FERMT2: variants seen among roughly 807,000 people sequenced by gnomAD.
FERMT2 encodes the protein fermitin family homolog 2.
A neutral mutation model predicts 82.7 loss-of-function variants in FERMT2; 15 were observed. That is an observed-to-expected ratio of 0.18 (90% confidence interval 0.12 to 0.28). FERMT2 has a LOEUF of 0.28. Among genes scored for constraint, FERMT2 ranks in the 10% least tolerant of loss-of-function variants. FERMT2 has a pLI of 1.00. For missense variants in FERMT2, 645 were observed against 809.4 expected (o/e 0.80, Z 2.46); for synonymous variants, 274 against 271.5 (o/e 1.01, Z -0.09).
intron 10 of FERMT2, among the ~76,000 whole-genome samples, chr14:52,870,945 C>A (rs896815332): frequency 1.3e-5 from 2 of 152,164 alleles, no homozygotes; most frequent in African/African-American, 4.8e-5. Context: ...TTGTCCACAT[C>A]GGAATACTTC....
Position 52,881,249 on chromosome 14 carries a change from G to A in FERMT2, c.747C>T (p.Asn249=). 1 of 1,613,342 alleles carries A rather than the reference G, an allele frequency of 6.2e-7. No individual in the cohort carries two copies. Residue 249 remains asparagine (N), a synonymous_variant, in exon 5 of 15, where the codon AAC becomes AAT. Coordinates refer to ENST00000341590, the MANE Select transcript of FERMT2 (RefSeq NM_006832.3). The part of the protein sequence containing the change: ...PQALLDKAKI[N]QGWLDSSRSL... ...ATCTATATCTTAAAACTTACCCTTG[G>A]TTGATTTTTGCTTTATCAAGAAGAG...
In FERMT2 at chr14:52,860,948, A is replaced by G. The variant is rs555146665; in HGVS notation, c.1603-483T>C. On this transcript the variant is annotated intron_variant, in intron 12 of 14. Transcript: ENST00000341590. ...TTTCACTACTGGGGTAAATTCCATG[A>G]GGGAAGGTTGTGGCTATGAATTTTT... 11 of 1,173,132 alleles carry G rather than the reference A, an allele frequency of 9.4e-6. No homozygotes were observed. In the South Asian group the frequency reaches 1.6e-4, roughly 17 times the overall value. 72.7% of individuals were successfully genotyped at this position (1,173,132 alleles called of 1,614,324 possible).
At chr14:52,950,191 C>G (rs558858519) in intron 2 of FERMT2, among the ~76,000 whole-genome samples, 1 of 152,300 alleles carries the variant, frequency 6.6e-6, no homozygotes, top group East Asian at 1.9e-4. Flanking sequence ...AATTGGGAGG[C>G]TCGAATCATT....
chr14:52,928,818 T>C (rs187077604), intron 2 of FERMT2, among the ~76,000 whole-genome samples: 4 of 152,280 alleles, frequency 2.6e-5, no homozygotes, highest in Non-Finnish European at 5.9e-5. Context: ...CTTCTTAAAT[T>C]TGTACCCAGA....
intron 9 of FERMT2, chr14:52,873,690 T>C (rs1885770797): frequency 6.5e-6 from 1 of 152,680 alleles, no homozygotes; most frequent in Non-Finnish European, 1.5e-5. Flanking sequence ...CTCTCTGCCT[T>C]AATGCCGAGC....
intron 4 of FERMT2, among the ~76,000 whole-genome samples, chr14:52,889,405 C>A (rs1439317815): frequency 6.6e-6 from 1 of 152,134 alleles, no homozygotes; most frequent in African/African-American, 2.4e-5. Flanking sequence ...ATAAAAGCAG[C>A]TGCAGTCTGG....
intron 7 of FERMT2, among the ~76,000 whole-genome samples, chr14:52,878,172 T>C (rs1886084135): frequency 6.6e-6 from 1 of 152,148 alleles, no homozygotes; most frequent in African/African-American, 2.4e-5. Flanking sequence ...ACAGCCCATT[T>C]TATAGTGTGT....
At chr14:52,881,987 A>G (rs1886326939) in intron 4 of FERMT2, among the ~76,000 whole-genome samples, 1 of 152,224 alleles carries the variant, frequency 6.6e-6, no homozygotes, top group African/African-American at 2.4e-5. Flanking sequence ...TTTCAGAGTA[A>G]AGAACCTTAG....
intron 3 of FERMT2, among the ~76,000 whole-genome samples, chr14:52,909,567 C>T (rs1005965716): frequency 6.6e-5 from 10 of 152,092 alleles, no homozygotes; most frequent in Admixed American, 6.6e-4. Context: ...GCAGGTAGAT[C>T]ACTTGAGGTC....
chr14:52,860,793 G>A (rs1884881840), intron 12 of FERMT2: 1 of 586,144 alleles, frequency 1.7e-6, no homozygotes. Context: ...ATATACACGA[G>A]TTTTAATTAA....
Position 52,881,940 on chromosome 14 carries a change from T to C in FERMT2, c.527-471A>G, listed in dbSNP as rs1886325000. On this transcript the variant is annotated intron_variant, in intron 4 of 14. Transcript: ENST00000341590. The stretch of plus-strand genomic sequence containing the variant: ...AAAAGAAAAAACAGATTTTCCCTAA[T>C]TGTGAATCATAAACTGAAGTACACA... 4.3e-5 allele frequency: 18 copies of C among 415,186 alleles called. 1 individual carries two copies. The highest frequency in any genetic ancestry group is 3.7e-4 in the South Asian group (17 of 45,884). The allele number at this position is 415,186 out of a possible 1,614,324, so 25.7% of individuals were successfully genotyped here. A position where few individuals can be genotyped will look rare whatever the true frequency, so the allele number is the denominator to read the frequency against.
At chr14:52,864,377 G>GATGAAGTAAA in intron 12 of FERMT2, 24 bp downstream of exon 12, 1 of 1,542,136 alleles carries the variant, frequency 6.5e-7, no homozygotes, top group South Asian at 1.1e-5. Context: ...CAGCACAGTA[G>GATGAAGTAAA]ATGAAGTAAA....
At chr14:52,873,921 T>C (rs936040992) in intron 9 of FERMT2, among the ~76,000 whole-genome samples, 1 of 152,026 alleles carries the variant, frequency 6.6e-6, no homozygotes, top group African/African-American at 2.4e-5. Flanking sequence ...TTTCAGCATC[T>C]GTATGATGCA....
At chr14:52,946,776 G>A (rs559095657) in intron 2 of FERMT2, among the ~76,000 whole-genome samples, 2 of 152,190 alleles carry the variant, frequency 1.3e-5, no homozygotes, top group Non-Finnish European at 2.9e-5. Flanking sequence ...AGGTTCAAGT[G>A]ATTCTCCTGC....
chr14:52,910,533 T>C (rs1888258120), intron 3 of FERMT2, among the ~76,000 whole-genome samples: 1 of 152,174 alleles, frequency 6.6e-6, no homozygotes, highest in South Asian at 2.1e-4. Flanking sequence ...ACAGTCTTTC[T>C]GTCCAAAAGA....
At chr14:52,861,101 G>C in intron 12 of FERMT2, 1 of 1,397,724 alleles carries the variant, frequency 7.2e-7, no homozygotes, top group Non-Finnish European at 9.5e-7. Flanking sequence ...CAGAAAAAAT[G>C]GCAACGAAGC....
Position 52,858,504 on chromosome 14 carries a change from G to A in FERMT2, c.1916C>T (p.Thr639Ile). The change falls in exon 15 of 15, where the codon ACT (threonine) becomes ATT (isoleucine). Residue 639 changes from threonine (T) to isoleucine (I), a missense_variant. Thr to Ile is a moderately conservative substitution (Grantham distance 89). Coordinates refer to ENST00000341590, the MANE Select transcript of FERMT2 (RefSeq NM_006832.3). ...ATGAACCACTTTGCAATCTACTTCA[G>A]TACAAATGAAGGACAATCGTACTTC... Reference protein sequence around the residue: ...ADEVRLSFICTEVDCKVVHEF... With the variant: ...ADEVRLSFICIEVDCKVVHEF... The A allele has an allele frequency of 6.2e-7, 1 of 1,614,086 alleles. No individual in the cohort carries two copies. Among genetic ancestry groups the A allele is most frequent in the Non-Finnish European group, 8.5e-7 (1 of 1,179,988 alleles).
rs1885890062 is a variant in FERMT2 at position 52,875,357 on chromosome 14, A to G, written c.964T>C (p.Tyr322His). Residue 322 changes from tyrosine to histidine, a missense_variant and splice_region_variant, in exon 8 of 15, where the codon TAT becomes CAT. Coordinates refer to ENST00000341590, the MANE Select transcript of FERMT2 (RefSeq NM_006832.3). ...ATGATTGACAGCTTATTGATATGATACTGAAACCAGAATTATTTTATTAAA... is the reference window on the plus strand; with the variant it reads ...ATGATTGACAGCTTATTGATATGATGCTGAAACCAGAATTATTTTATTAAA... ...EEMMMFAALQ[Y>H]HINKLSIMTS... 1.3e-6 allele frequency: 2 copies of G among 1,578,254 alleles called. No individual in the cohort carries two copies. Among genetic ancestry groups the G allele is most frequent in the Non-Finnish European group, 8.7e-7 (1 of 1,155,028 alleles).
At chr14:52,908,475 C>A (rs1175177349) in intron 3 of FERMT2, among the ~76,000 whole-genome samples, 1 of 152,038 alleles carries the variant, frequency 6.6e-6, no homozygotes, top group Non-Finnish European at 1.5e-5. Context: ...GAGTACTACT[C>A]AGTAATAAGA....
Sources: gnomAD v4.1 joint callset for allele counts (sites outside exome capture counted in the v4.1 genomes callset) on GRCh38, gnomAD v4.1.1 for gene constraint, MANE v1.5 for transcripts, NCBI Gene and HGNC (gene_info 2026-07-23, HGNC 2026-07-21) for gene names.